HMBOX1: variants seen among roughly 807,000 people sequenced by gnomAD.
The protein encoded by HMBOX1 is homeobox-containing protein 1.
A neutral mutation model predicts 54.5 loss-of-function variants in HMBOX1; 14 were observed. The observed-to-expected ratio is 0.26, with a 90% CI of 0.17 to 0.40. The LOEUF is 0.40. HMBOX1 is among the 10% of genes least tolerant of loss of function. The probability of loss-of-function intolerance (pLI) is 1.00; values close to 1 mark genes in which losing one functional copy is unlikely to be tolerated. For synonymous variants in HMBOX1, 160 were observed against 181.0 expected, an observed-to-expected ratio of 0.88 and a Z score of 0.93; for missense variants, 332 against 514.4, an observed-to-expected ratio of 0.65 and a Z score of 3.43.
chr8:29,042,246 TGAAAG>T (rs747267413), intron 6 of HMBOX1, among the ~76,000 whole-genome samples: 50 of 151,388 alleles, frequency 3.3e-4, no homozygotes, highest in Non-Finnish European at 5.2e-4. Flanking sequence ...GTTGAGAAAA[TGAAAG>T]GAAGGGGAAT....
rs111417034 is a variant in HMBOX1, at chr8:28,926,282, G to GAT, written c.-58+35626_-58+35627dup. 3.4e-3 allele frequency among the ~76,000 whole-genome samples: 498 copies of GAT among 145,656 alleles called. 5 individuals carry two copies. The highest frequency in any genetic ancestry group is 0.017 in the South Asian group (76 of 4,586). On this transcript the variant is annotated intron_variant, in intron 1 of 9. Transcript: ENST00000287701. ...AACATATATGTATTTATTCATGGCA[G>GAT]ATATATATATATATATATATATACA...
At chr8:28,963,402 T>G (rs1825933554) in intron 1 of HMBOX1, among the ~76,000 whole-genome samples, 1 of 152,238 alleles carries the variant, frequency 6.6e-6, no homozygotes. Flanking sequence ...ATATCATTAG[T>G]CATTGTTGGA....
chr8:29,039,656 G>A (rs192431007), intron 6 of HMBOX1, among the ~76,000 whole-genome samples: 163 of 152,098 alleles, frequency 1.1e-3, no homozygotes, highest in Admixed American at 1.7e-3. Flanking sequence ...ACCTCCTTTT[G>A]TGAGTAGATA....
intron 4 of HMBOX1, among the ~76,000 whole-genome samples, chr8:28,983,589 C>T (rs937779196): frequency 2.0e-5 from 3 of 152,144 alleles, no homozygotes; most frequent in Non-Finnish European, 4.4e-5. Flanking sequence ...CAATGTTCTT[C>T]AGGAGTGACC....
At position 29,045,456 on chromosome 8, in the gene HMBOX1, G is replaced by A; in HGVS notation, c.934+13G>A. ...ATACAGAAGCCAGGTAAGGTCGCAG[G>A]CACAGCCTTGCTCTGCGGTGCAGCA... is the stretch of plus-strand genomic sequence containing the variant. On this transcript the variant is annotated intron_variant, in intron 7 of 9. Coordinates refer to ENST00000287701, the MANE Select transcript of HMBOX1 (RefSeq NM_001135726.3). 3 of 1,606,684 alleles carry A rather than the reference G, an allele frequency of 1.9e-6. No individual in the cohort carries two copies. The highest frequency in any genetic ancestry group is 2.6e-6 in the Non-Finnish European group (3 of 1,173,436).
intron 1 of HMBOX1, among the ~76,000 whole-genome samples, chr8:28,895,871 T>G (rs1812004776): frequency 1.3e-5 from 2 of 152,210 alleles, no homozygotes. Flanking sequence ...TTCTGGTTTA[T>G]TGCATCAGTC....
chr8:29,051,156 TC>T lies in HMBOX1; in HGVS notation c.*2del. The T allele has an allele frequency of 6.2e-7, 1 of 1,613,490 alleles. No homozygotes were observed. Among genetic ancestry groups the T allele is most frequent in the East Asian group, 2.2e-5 (1 of 44,870 alleles). ...GACAGAGGCCCTGGATGATGACTGA[TC>T]AGGGAGGTTAAACATGACAAGTTAA... On this transcript the variant is annotated 3_prime_UTR_variant, in exon 10 of 10. Coordinates refer to ENST00000287701, the MANE Select transcript of HMBOX1 (RefSeq NM_001135726.3).
At position 28,931,060 on chromosome 8, in the gene HMBOX1, TTTG is replaced by T. The variant is rs1370740783; in HGVS notation, c.-57-32742_-57-32740del. Among the ~76,000 whole-genome samples, 3 of 152,206 alleles carry T rather than the reference TTTG, an allele frequency of 2.0e-5. No individual in the cohort carries two copies. In the East Asian group the frequency reaches 5.8e-4, roughly 29 times the overall value. Reference sequence around the variant, plus strand: ...CTGCCCTTTCTCCTCAACTCTCTTTTTTGTTGTTGTTATCATGTTGACTTTTGG... The same window carrying T: ...CTGCCCTTTCTCCTCAACTCTCTTTTTTGTTGTTATCATGTTGACTTTTGG... On this transcript the variant is annotated intron_variant, in intron 1 of 9. Coordinates refer to ENST00000287701, the MANE Select transcript of HMBOX1 (RefSeq NM_001135726.3).
At position 28,973,313 on chromosome 8, in the gene HMBOX1, A is replaced by T. The variant is rs904377949; in HGVS notation, c.500+2794A>T. Among the ~76,000 whole-genome samples the T allele has an allele frequency of 2.6e-5, 4 of 152,194 alleles. 1 individual carries two copies. Among genetic ancestry groups the T allele is most frequent in the Middle Eastern group, 6.3e-3 (2 of 316 alleles). On this transcript the variant is annotated intron_variant, in intron 3 of 9. Coordinates refer to ENST00000287701, the MANE Select transcript of HMBOX1 (RefSeq NM_001135726.3). ...GCAGAGCCTAAATTATGTCTTTATT[A>T]TCAATATGTCACTGGTGTACATTCC...
At chr8:29,032,074 T>C (rs1271501437) in intron 6 of HMBOX1, among the ~76,000 whole-genome samples, 1 of 152,194 alleles carries the variant, frequency 6.6e-6, no homozygotes, top group Non-Finnish European at 1.5e-5. Context: ...TGCAGCCAGA[T>C]TGGGAATGAC....
intron 4 of HMBOX1, among the ~76,000 whole-genome samples, chr8:28,984,932 C>T (rs571591877): frequency 9.2e-5 from 14 of 152,166 alleles, no homozygotes; most frequent in Non-Finnish European, 1.3e-4. Flanking sequence ...AAAAAAACAG[C>T]GCCTCTGAAT....
At chr8:29,037,442 C>T (rs530314319) in intron 6 of HMBOX1, among the ~76,000 whole-genome samples, 1 of 151,862 alleles carries the variant, frequency 6.6e-6, no homozygotes, top group Non-Finnish European at 1.5e-5. Flanking sequence ...AAAATTAGCA[C>T]GTGCTTAATA....
intron 4 of HMBOX1, among the ~76,000 whole-genome samples, chr8:28,984,161 G>A (rs572472498): frequency 6.6e-6 from 1 of 152,290 alleles, no homozygotes; most frequent in African/African-American, 2.4e-5. Flanking sequence ...GTGTATATAC[G>A]CATTTTTCTG....
intron 5 of HMBOX1, among the ~76,000 whole-genome samples, chr8:29,015,601 T>G (rs914065824): frequency 6.6e-6 from 1 of 152,222 alleles, no homozygotes; most frequent in African/African-American, 2.4e-5. Flanking sequence ...AAATTCCTGC[T>G]TATGTCTAAA....
At chr8:28,998,346 A>G (rs1053856512) in intron 4 of HMBOX1, among the ~76,000 whole-genome samples, 2 of 152,052 alleles carry the variant, frequency 1.3e-5, no homozygotes, top group African/African-American at 2.4e-5. Flanking sequence ...GTTGTTTGGT[A>G]TATGTACATT....
intron 5 of HMBOX1, among the ~76,000 whole-genome samples, chr8:29,012,904 A>G (rs1458553172): frequency 6.6e-6 from 1 of 152,192 alleles, no homozygotes; most frequent in Non-Finnish European, 1.5e-5. Context: ...TTTATTTCAT[A>G]ATTTTTTTTT....
intron 6 of HMBOX1, among the ~76,000 whole-genome samples, chr8:29,037,565 T>C (rs1191165875): frequency 6.6e-6 from 1 of 152,216 alleles, no homozygotes; most frequent in Non-Finnish European, 1.5e-5. Flanking sequence ...TAGTCATTTT[T>C]CTGTGTATTA....
At chr8:28,912,980 A>T (rs769408519) in intron 1 of HMBOX1, among the ~76,000 whole-genome samples, 1 of 152,130 alleles carries the variant, frequency 6.6e-6, no homozygotes, top group Non-Finnish European at 1.5e-5. Context: ...CAAGCTAAAA[A>T]CCTGAGGATT....
intron 5 of HMBOX1, among the ~76,000 whole-genome samples, chr8:29,014,467 A>G (rs1287720592): frequency 1.3e-5 from 2 of 152,214 alleles, no homozygotes; most frequent in African/African-American, 4.8e-5. Context: ...CAACCAAAGC[A>G]AGATGAACTA....
Sources: gnomAD v4.1 joint callset for allele counts (sites outside exome capture counted in the v4.1 genomes callset) on GRCh38, gnomAD v4.1.1 for gene constraint, MANE v1.5 for transcripts, NCBI Gene and HGNC (gene_info 2026-07-23, HGNC 2026-07-21) for gene names.